Variants in MAP3K8 observed in about 807,000 individuals in gnomAD.
The protein encoded by MAP3K8 is mitogen-activated protein kinase kinase kinase 8, also known as Ewing sarcoma transformant.
A neutral mutation model predicts 45.8 loss-of-function variants in MAP3K8; 22 were observed. The observed-to-expected ratio is 0.48, with a 90% CI of 0.34 to 0.69. MAP3K8 has a LOEUF of 0.69. Ranked by LOEUF, MAP3K8 falls within the 30% of genes least tolerant of loss-of-function variation. MAP3K8 has a pLI of 0.01. For missense variants in MAP3K8, 419 were observed against 585.0 expected (o/e 0.72, Z 2.93); for synonymous variants, 223 against 214.3 (o/e 1.04, Z -0.36).
chr10:30,446,030 A>C (rs968984957), intron 3 of MAP3K8, among the ~76,000 whole-genome samples: 2 of 150,972 alleles, frequency 1.3e-5, no homozygotes, highest in Non-Finnish European at 2.9e-5. Flanking sequence ...GATTTGTCAC[A>C]TTCCCTTCAG....
intron 6 of MAP3K8, among the ~76,000 whole-genome samples, chr10:30,452,904 G>T (rs1293441490): frequency 2.6e-5 from 4 of 151,292 alleles, no homozygotes; most frequent in Admixed American, 6.6e-5. Context: ...GTCATGAACT[G>T]TTGGCCTCAA....
In MAP3K8 at chr10:30,455,842, C is replaced by T. The variant is rs368601295; in HGVS notation, c.874-2242C>T. Among the ~76,000 whole-genome samples the T allele has an allele frequency of 1.1e-4, 16 of 152,300 alleles. No homozygotes were observed. The East Asian group carries it at 1.5e-3, about 15-fold the overall frequency. On this transcript the variant is annotated intron_variant, in intron 6 of 8. Coordinates refer to ENST00000263056, the MANE Select transcript of MAP3K8 (RefSeq NM_005204.4). The stretch of plus-strand genomic sequence containing the variant: ...TGGTCCCACCAGGGCTGTTTCATGC[C>T]TTCTAATCAGCCAGAGTGCTCGAAC...
chr10:30,434,461 A>G lies in MAP3K8; in HGVS notation c.-255+83A>G. ...CCCGGGGATTCCCATGCAGAAATGG[A>G]GGGTGCCCCCAGCAGAGGGGAAAAC... On this transcript the variant is annotated intron_variant, in intron 1 of 8. Transcript: ENST00000263056. 4.1e-6 allele frequency: 4 copies of G among 985,506 alleles called. No homozygotes were observed. In the South Asian group the frequency reaches 1.9e-4, roughly 46 times the overall value. The allele number at this position is 985,506 out of a possible 1,614,324, so 61.0% of individuals were successfully genotyped here.
At chr10:30,445,632 T>C (rs766943914) in intron 3 of MAP3K8, among the ~76,000 whole-genome samples, 2 of 152,112 alleles carry the variant, frequency 1.3e-5, no homozygotes, top group African/African-American at 4.8e-5. Flanking sequence ...AAATCTATCA[T>C]GTTCTCAGCA....
At chr10:30,444,831 A>C (rs1279760721) in intron 3 of MAP3K8, among the ~76,000 whole-genome samples, 1 of 152,206 alleles carries the variant, frequency 6.6e-6, no homozygotes, top group African/African-American at 2.4e-5. Flanking sequence ...GGAATATACA[A>C]GGCTCTTACC....
intron 6 of MAP3K8, among the ~76,000 whole-genome samples, chr10:30,453,769 T>C (rs961394166): frequency 1.3e-5 from 2 of 151,876 alleles, no homozygotes; most frequent in African/African-American, 4.8e-5. Flanking sequence ...TTCTCACACC[T>C]GTAATCCCAA....
At chr10:30,445,783 T>C (rs1201047954) in intron 3 of MAP3K8, among the ~76,000 whole-genome samples, 1 of 152,206 alleles carries the variant, frequency 6.6e-6, no homozygotes, top group Non-Finnish European at 1.5e-5. Context: ...CAGTAAATAG[T>C]TTCTAAATTT....
At position 30,458,276 on chromosome 10, in the gene MAP3K8, G is replaced by GC. The variant is rs748869644; in HGVS notation, c.1026+40_1026+41insC. 232 of 1,358,684 alleles carry GC rather than the reference G, an allele frequency of 1.7e-4. 14 individuals are homozygous for GC. The highest frequency in any genetic ancestry group is 2.0e-4 in the Non-Finnish European group (209 of 1,022,276). The allele number at this position is 1,358,684 out of a possible 1,614,324, so 84.2% of individuals were successfully genotyped here. ...ACCAGGGCTGGGGGCGGCGGGGGGG[G>GC]GCGTTGAGTTATGCATCCCGCAGGC... is the stretch of plus-strand genomic sequence containing the variant. On this transcript the variant is annotated intron_variant, in intron 7 of 8. Transcript: ENST00000263056.
At chr10:30,443,715 T>C (rs576981125) in intron 3 of MAP3K8, among the ~76,000 whole-genome samples, 49 of 151,456 alleles carry the variant, frequency 3.2e-4, no homozygotes, top group Non-Finnish European at 5.9e-4. Context: ...TTGTGGAATC[T>C]ATTCTTACTA....
chr10:30,455,707 C>T (rs767484251), intron 6 of MAP3K8, among the ~76,000 whole-genome samples: 1 of 152,118 alleles, frequency 6.6e-6, no homozygotes, highest in Non-Finnish European at 1.5e-5. Context: ...GGTCTCTTTC[C>T]CTTTCTAATA....
rs547632553 is a variant in MAP3K8 at position 30,458,271 on chromosome 10, G to GGA, written c.1026+36_1026+37insAG. 9.9e-4 allele frequency: 1,357 copies of GGA among 1,367,042 alleles called. 156 individuals carry two copies. The highest frequency in any genetic ancestry group is 1.1e-3 in the Non-Finnish European group (1,158 of 1,029,194). 84.7% of individuals were successfully genotyped at this position (1,367,042 alleles called of 1,614,324 possible). ...GTTCAACCAGGGCTGGGGGCGGCGG[G>GGA]GGGGGGCGTTGAGTTATGCATCCCG... On this transcript the variant is annotated intron_variant, in intron 7 of 8. Transcript: ENST00000263056.
chr10:30,442,693 C>A (rs1335631622), intron 3 of MAP3K8, among the ~76,000 whole-genome samples: 2 of 152,162 alleles, frequency 1.3e-5, no homozygotes, highest in Admixed American at 6.6e-5. Context: ...GGCCCGGGAA[C>A]AAATAATCTA....
Position 30,450,276 on chromosome 10 carries a change from A to C in MAP3K8, c.523A>C (p.Lys175Gln). 6.2e-7 allele frequency: 1 copy of C among 1,606,784 alleles called. No individual in the cohort carries two copies. Among genetic ancestry groups the C allele is most frequent in the East Asian group, 2.2e-5 (1 of 44,718 alleles). The change falls in exon 5 of 9, where the codon AAG becomes CAG. Residue 175 changes from lysine to glutamine, a missense_variant. By Grantham distance (53) the Lys-to-Gln change is moderately conservative (BLOSUM62 1). This residue lies in a region of MAP3K8 where 209 missense variants were observed against 367.3 expected (regional missense o/e 0.57). Transcript: ENST00000263056. ...ACKLIPVDQF[K>Q]PSDVEIQACF... ...GTTCTAGATCCCAGTAGATCAATTT[A>C]AGCCATCTGATGTGGAAATCCAGGC...
intron 7 of MAP3K8, 39 bp downstream of exon 7, chr10:30,458,275 G>GGA (rs779259750): frequency 2.2e-6 from 3 of 1,356,002 alleles, no homozygotes; most frequent in South Asian, 1.6e-5. Context: ...CGGCGGGGGG[G>GGA]GGCGTTGAGT....
chr10:30,446,172 C>T (rs1474330339), intron 3 of MAP3K8, among the ~76,000 whole-genome samples: 2 of 152,146 alleles, frequency 1.3e-5, no homozygotes, highest in Non-Finnish European at 2.9e-5. Context: ...GGATTATAGG[C>T]GTGAGCCACC....
At chr10:30,441,580 A>G (rs1183293336) in intron 3 of MAP3K8, among the ~76,000 whole-genome samples, 3 of 152,198 alleles carry the variant, frequency 2.0e-5, no homozygotes, top group Admixed American at 6.5e-5. Flanking sequence ...TAAAAAACAG[A>G]AGAGAATAAG....
intron 3 of MAP3K8, chr10:30,439,629 G>T: frequency 2.8e-6 from 1 of 351,544 alleles, no homozygotes; most frequent in Non-Finnish European, 5.2e-6. Context: ...GGCCAACATG[G>T]TGAAACCCCG....
At chr10:30,441,747 A>G (rs1836117945) in intron 3 of MAP3K8, among the ~76,000 whole-genome samples, 1 of 152,156 alleles carries the variant, frequency 6.6e-6, no homozygotes, top group Non-Finnish European at 1.5e-5. Flanking sequence ...TCAGAGCTCC[A>G]TGCTTCATAA....
intron 7 of MAP3K8, among the ~76,000 whole-genome samples, chr10:30,458,503 C>T (rs1836826620): frequency 6.6e-6 from 1 of 152,244 alleles, no homozygotes; most frequent in South Asian, 2.1e-4. Flanking sequence ...TGCAACACTA[C>T]TTAGTAGCAT....
Sources: allele counts gnomAD v4.1 joint callset (sites outside exome capture counted in the v4.1 genomes callset), GRCh38; gene constraint gnomAD v4.1.1; regional missense constraint gnomAD v4.1.1; transcripts MANE v1.5; gene names NCBI Gene and HGNC (gene_info 2026-07-23, HGNC 2026-07-21).